Variants in CCDC15 observed in about 807,000 individuals in gnomAD.
The protein encoded by CCDC15 is coiled-coil domain containing 15, also known as coiled-coil domain-containing protein 15.
A neutral mutation model predicts 114.5 loss-of-function variants in CCDC15; 105 were observed. The observed-to-expected ratio is 0.92, with a 90% confidence interval of 0.78 to 1.08. The LOEUF is 1.08. Ranked by LOEUF, CCDC15 falls within the 50% of genes least tolerant of loss-of-function variation. The probability of loss-of-function intolerance (pLI) is 0.00; values close to 1 mark genes in which losing one functional copy is unlikely to be tolerated. For synonymous variants in CCDC15, 334 were observed against 377.8 expected, an observed-to-expected ratio of 0.88 and a Z score of 1.34; for missense variants, 1,105 against 1,093.6, an observed-to-expected ratio of 1.01 and a Z score of -0.15.
chr11:125,040,598 C>T lies in CCDC15; in HGVS notation c.2743C>T (p.Arg915Trp), dbSNP rs373190979. ...CAAACCTTTTTTTGCAGCATATACT[C>T]GGGCACTACATTCATTCATCAATTC... ...IFYKNHRAYT[R>W]ALHSFINSCD... The change falls in exon 16 of 16, where the codon CGG (arginine) becomes TGG (tryptophan). Residue 915 changes from arginine (R) to tryptophan (W), a missense_variant. Arg to Trp is a moderately radical substitution (Grantham distance 101, BLOSUM62 -3). Transcript: ENST00000344762. 170 of 1,607,716 alleles carry T rather than the reference C, an allele frequency of 1.1e-4. No homozygotes were observed. Among genetic ancestry groups the T allele is most frequent in the East Asian group, 2.2e-4 (10 of 44,796 alleles).
intron 13 of CCDC15, among the ~76,000 whole-genome samples, chr11:125,012,007 C>CT (rs1207569544): frequency 9.9e-5 from 15 of 152,186 alleles, no homozygotes; most frequent in African/African-American, 3.6e-4. Context: ...GCCCAGATAT[C>CT]TAAGTTCTAG....
At chr11:125,027,367 G>A (rs536215272) in intron 13 of CCDC15, among the ~76,000 whole-genome samples, 1 of 152,176 alleles carries the variant, frequency 6.6e-6, no homozygotes, top group South Asian at 2.1e-4. Flanking sequence ...CAGTGTAAGT[G>A]TTCCCTTTTC....
intron 4 of CCDC15, among the ~76,000 whole-genome samples, chr11:124,962,810 C>T (rs1268421320): frequency 6.6e-6 from 1 of 152,184 alleles, no homozygotes; most frequent in African/African-American, 2.4e-5. Context: ...TCCCACCATG[C>T]CACGACAGGC....
At chr11:124,974,737 T>C (rs185403342) in intron 4 of CCDC15, among the ~76,000 whole-genome samples, 1 of 152,202 alleles carries the variant, frequency 6.6e-6, no homozygotes, top group Admixed American at 6.5e-5. Context: ...TAACTCCTTA[T>C]TGACAAAGGT....
intron 13 of CCDC15, among the ~76,000 whole-genome samples, chr11:125,015,276 A>G (rs529422752): frequency 6.6e-6 from 1 of 152,270 alleles, no homozygotes; most frequent in East Asian, 1.9e-4. Flanking sequence ...AAACAAATGT[A>G]TAACAGAGGA....
intron 6 of CCDC15, among the ~76,000 whole-genome samples, chr11:124,984,358 G>C (rs1948122267): frequency 6.6e-6 from 1 of 152,036 alleles, no homozygotes; most frequent in South Asian, 2.1e-4. Context: ...ACCCCGGTGG[G>C]CATCTGAGGT....
chr11:124,993,975 G>C (rs755476944), intron 11 of CCDC15, among the ~76,000 whole-genome samples: 2 of 152,144 alleles, frequency 1.3e-5, no homozygotes, highest in Non-Finnish European at 2.9e-5. Context: ...TGCTTCGCAG[G>C]TAGAGTTAAG....
At chr11:125,029,933 G>A (rs1282879590) in intron 13 of CCDC15, among the ~76,000 whole-genome samples, 1 of 152,302 alleles carries the variant, frequency 6.6e-6, no homozygotes, top group Non-Finnish European at 1.5e-5. Context: ...TTGAAAGTCT[G>A]GGTTGGTCAT....
intron 4 of CCDC15, 92 bp downstream of exon 4, chr11:124,960,095 A>G (rs1947632202): frequency 1.6e-5 from 15 of 937,690 alleles, no homozygotes; most frequent in Non-Finnish European, 2.2e-5. Context: ...GTAGGGATTA[A>G]GAGTTATCAC....
chr11:124,988,086 G>A lies in CCDC15; in HGVS notation c.1860G>A (p.Gln620=). The change falls in exon 8 of 16, where the codon CAG becomes CAA. Residue 620 remains glutamine (Q), a synonymous_variant. Coordinates refer to ENST00000344762, the MANE Select transcript of CCDC15 (RefSeq NM_025004.3). ...PRDLHVLSND[Q]NILPKCQDQD... ...ACCTGCATGTTCTCTCCAACGACCA[G>A]AATATTCTACCCAAATGTCAGGACC... is the stretch of plus-strand genomic sequence containing the variant. 1.2e-6 allele frequency: 2 copies of A among 1,613,820 alleles called. No individual in the cohort carries two copies. Among genetic ancestry groups the A allele is most frequent in the South Asian group, 2.2e-5 (2 of 91,032 alleles).
intron 2 of CCDC15, among the ~76,000 whole-genome samples, chr11:124,957,933 T>G (rs931956599): frequency 6.6e-6 from 1 of 152,158 alleles, no homozygotes; most frequent in African/African-American, 2.4e-5. Flanking sequence ...AGAGACATAG[T>G]CAAGAGAAAA....
At chr11:125,038,720 A>C in intron 14 of CCDC15, 116 bp downstream of exon 14, 3 of 1,217,248 alleles carry the variant, frequency 2.5e-6, no homozygotes, top group Admixed American at 3.0e-5. Flanking sequence ...TTCCTCATTT[A>C]GGAGTTCATA....
chr11:125,000,366 A>G (rs1050041471), intron 11 of CCDC15, among the ~76,000 whole-genome samples: 15 of 152,164 alleles, frequency 9.9e-5, no homozygotes, highest in Non-Finnish European at 2.1e-4. Context: ...TGTCCCATAC[A>G]TGCACAATTC....
chr11:124,999,801 G>T (rs1216577652), intron 11 of CCDC15, among the ~76,000 whole-genome samples: 1 of 146,950 alleles, frequency 6.8e-6, no homozygotes, highest in Non-Finnish European at 1.5e-5. Context: ...CTCAGAATTG[G>T]TCACATCTTC....
chr11:125,006,158 C>T (rs1464764660), intron 13 of CCDC15, among the ~76,000 whole-genome samples: 1 of 152,156 alleles, frequency 6.6e-6, no homozygotes, highest in African/African-American at 2.4e-5. Flanking sequence ...TCCAAAGTGG[C>T]TATACCATTT....
At chr11:124,958,454 C>A (rs1238141821) in intron 2 of CCDC15, among the ~76,000 whole-genome samples, 2 of 151,882 alleles carry the variant, frequency 1.3e-5, no homozygotes, top group Admixed American at 1.3e-4. Flanking sequence ...AAATATTGGA[C>A]ACCCCTGGTT....
intron 6 of CCDC15, among the ~76,000 whole-genome samples, chr11:124,984,370 G>A (rs78877904): frequency 0.2 from 30,753 of 151,890 alleles, 3,704 homozygotes; most frequent in African/African-American, 0.33. Context: ...ATCTGAGGTT[G>A]CACTGCAAGC....
chr11:124,961,824 C>T (rs899972128), intron 4 of CCDC15, among the ~76,000 whole-genome samples: 1 of 151,928 alleles, frequency 6.6e-6, no homozygotes, highest in Admixed American at 6.6e-5. Flanking sequence ...CCACACCTGG[C>T]CGAGATAATT....
At chr11:125,022,896 C>A (rs1948671078) in intron 13 of CCDC15, among the ~76,000 whole-genome samples, 1 of 151,906 alleles carries the variant, frequency 6.6e-6, no homozygotes, top group Non-Finnish European at 1.5e-5. Flanking sequence ...AAGTTCTTTA[C>A]ATACTTTTTT....
Sources: allele counts gnomAD v4.1 joint callset (sites outside exome capture counted in the v4.1 genomes callset), GRCh38; gene constraint gnomAD v4.1.1; transcripts MANE v1.5; gene names NCBI Gene and HGNC (gene_info 2026-07-23, HGNC 2026-07-21).